Variants in CDH4 observed in about 807,000 individuals in gnomAD.
CDH4 encodes the protein cadherin-4.
A neutral mutation model predicts 86.0 loss-of-function variants in CDH4; 33 were observed. That is an observed-to-expected ratio of 0.38 (90% CI 0.29 to 0.51). The LOEUF is 0.51. CDH4 is among the 20% of genes least tolerant of loss of function. The pLI, the probability that CDH4 is intolerant of heterozygous loss-of-function variation, is 0.86. For missense variants in CDH4, 1,114 were observed against 1,307.4 expected (o/e 0.85, Z 2.28); for synonymous variants, 555 against 549.4 (o/e 1.01, Z -0.14).
At chr20:61,453,459 TC>T (rs2085391000) in intron 2 of CDH4, among the ~76,000 whole-genome samples, 1 of 152,110 alleles carries the variant, frequency 6.6e-6, no homozygotes, top group Non-Finnish European at 1.5e-5. Context: ...TCTTCCAGTG[TC>T]CTGTCTCTCA....
At chr20:61,530,080 T>G (rs990217729) in intron 2 of CDH4, among the ~76,000 whole-genome samples, 1 of 152,156 alleles carries the variant, frequency 6.6e-6, no homozygotes, top group Non-Finnish European at 1.5e-5. Flanking sequence ...TTGCCCAGAC[T>G]GGAGTGCAGT....
chr20:61,252,536 T>C lies in CDH4; in HGVS notation c.23T>C (p.Leu8Pro). The change falls in exon 1 of 16, where the codon CTC becomes CCC. Residue 8 changes from leucine (L) to proline (P), a missense_variant. By Grantham distance (98) the Leu-to-Pro change is moderately conservative. Coordinates refer to ENST00000614565, the MANE Select transcript of CDH4 (RefSeq NM_001794.5). This position sits in a 1 kb window ranked among gnomAD's most constrained non-coding sequence, Gnocchi z 4.4. MTAGAGV[L>P]LLLLSLSGAL... ...AAGATGACCGCGGGCGCCGGCGTGCTCCTTCTGCTGCTCTCGCTCTCCGGC... is the reference window on the plus strand; with the variant it reads ...AAGATGACCGCGGGCGCCGGCGTGCCCCTTCTGCTGCTCTCGCTCTCCGGC... 1 of 1,199,312 alleles carries C rather than the reference T, an allele frequency of 8.3e-7. No homozygotes were observed. Among genetic ancestry groups the C allele is most frequent in the Non-Finnish European group, 1.0e-6 (1 of 967,282 alleles). 74.3% of individuals were successfully genotyped at this position (1,199,312 alleles called of 1,614,324 possible).
chr20:61,827,959 G>C (rs968751618), intron 4 of CDH4, among the ~76,000 whole-genome samples: 1 of 152,146 alleles, frequency 6.6e-6, no homozygotes, highest in African/African-American at 2.4e-5. Flanking sequence ...CACCCTTGAG[G>C]AAGCTAAGTA....
intron 2 of CDH4, among the ~76,000 whole-genome samples, chr20:61,528,463 G>GGAGGGGAAGGGAGGGGAGGGGAGT (rs2085928354): frequency 4.1e-5 from 4 of 96,972 alleles, no homozygotes; most frequent in African/African-American, 1.6e-4. Context: ...GAGGGGGAGA[G>GGAGGGGAAGGGAGGGGAGGGGAGT]GGAGGGGGAG....
intron 2 of CDH4, among the ~76,000 whole-genome samples, chr20:61,539,452 T>C (rs914330489): frequency 1.3e-5 from 2 of 152,226 alleles, no homozygotes; most frequent in African/African-American, 2.4e-5. Context: ...ATCTTCTCCC[T>C]GTGTCCTCAC....
At chr20:61,842,578 A>C (rs1452209255) in intron 4 of CDH4, among the ~76,000 whole-genome samples, 1 of 152,260 alleles carries the variant, frequency 6.6e-6, no homozygotes, top group African/African-American at 2.4e-5. Context: ...ATTTCATACA[A>C]TTTTCACCTA....
intron 2 of CDH4, among the ~76,000 whole-genome samples, chr20:61,629,973 C>G (rs979272400): frequency 1.3e-5 from 2 of 152,222 alleles, no homozygotes; most frequent in Admixed American, 6.5e-5. Flanking sequence ...GGACAGCTGA[C>G]TGCCTTGTCC....
chr20:61,410,400 T>A (rs1166282141), intron 2 of CDH4, among the ~76,000 whole-genome samples: 2 of 150,408 alleles, frequency 1.3e-5, no homozygotes, highest in African/African-American at 4.9e-5. Context: ...CTGTCAATCA[T>A]CCATCTACAC....
chr20:61,873,420 G>A (rs1363992744), intron 6 of CDH4, among the ~76,000 whole-genome samples: 6 of 152,228 alleles, frequency 3.9e-5, no homozygotes, highest in Admixed American at 3.9e-4. Context: ...GCTGCCCCAG[G>A]CTCTGGAAGC....
At chr20:61,351,464 C>G (rs989531873) in intron 2 of CDH4, among the ~76,000 whole-genome samples, 38 of 152,130 alleles carry the variant, frequency 2.5e-4, no homozygotes, top group Non-Finnish European at 5.3e-4. Flanking sequence ...CCACTGATAC[C>G]AAGGGACAGC....
At chr20:61,933,994 G>C (rs2055146392) in intron 14 of CDH4, 62 bp from the exon 15 acceptor site, 11 of 1,580,782 alleles carry the variant, frequency 7.0e-6, no homozygotes, top group Non-Finnish European at 3.5e-6. Context: ...AAGGATGCAG[G>C]GTGGAAGGGG....
At chr20:61,538,623 C>T (rs62199202) in intron 2 of CDH4, among the ~76,000 whole-genome samples, 26,838 of 152,048 alleles carry the variant, frequency 0.18, 2,704 homozygotes, top group East Asian at 0.42. Flanking sequence ...TACCTCCTGC[C>T]CCTCGTGCGT....
intron 5 of CDH4, among the ~76,000 whole-genome samples, chr20:61,852,482 G>C (rs1982770683): frequency 6.6e-6 from 1 of 152,254 alleles, no homozygotes; most frequent in African/African-American, 2.4e-5. Context: ...GGGAGGTCCT[G>C]GGTGGGCCTG....
In CDH4 at chr20:61,681,697, A is replaced by T. The variant is rs1457149264; in HGVS notation, c.170-61866A>T. 6.6e-6 allele frequency among the ~76,000 whole-genome samples: 1 copy of T among 152,210 alleles called. No homozygotes were observed. Among genetic ancestry groups the T allele is most frequent in the Non-Finnish European group, 1.5e-5 (1 of 68,030 alleles). On this transcript the variant is annotated intron_variant, in intron 2 of 15. Transcript: ENST00000614565. The surrounding 1 kb of genome is among the most constrained non-coding windows in gnomAD (Gnocchi z 4.5). ...AGAGCCCCTAAAGAGCTTTCTGGGC[A>T]TCGGGAAAGTCCGGGCTCAGTGCAT...
intron 2 of CDH4, among the ~76,000 whole-genome samples, chr20:61,344,568 T>G (rs1426953866): frequency 6.6e-6 from 1 of 152,224 alleles, no homozygotes; most frequent in Non-Finnish European, 1.5e-5. Context: ...TTTGCCATTG[T>G]TCTCAGTGAT....
At chr20:61,646,046 T>G (rs2087058003) in intron 2 of CDH4, among the ~76,000 whole-genome samples, 1 of 152,170 alleles carries the variant, frequency 6.6e-6, no homozygotes, top group Admixed American at 6.5e-5. Context: ...CAGCATGCAG[T>G]GAGCTCAGGA....
At position 61,940,219 on chromosome 20, in the gene CDH4, T is replaced by C. The variant is rs4925210; in HGVS notation, c.*3276T>C. ...GGACCACCTCTCTGTACAATTGGAATGCGTTTTACTTTTCTTTTCTCTCCT... is the reference window on the plus strand; with the variant it reads ...GGACCACCTCTCTGTACAATTGGAACGCGTTTTACTTTTCTTTTCTCTCCT... On this transcript the variant is annotated 3_prime_UTR_variant, in exon 16 of 16. Coordinates refer to ENST00000614565, the MANE Select transcript of CDH4 (RefSeq NM_001794.5). 119,419 of 152,054 alleles carry C rather than the reference T, an allele frequency of 0.79. 47,143 individuals are homozygous for C. Among genetic ancestry groups the C allele is most frequent in the African/African-American group, 0.86 (35,692 of 41,484 alleles). The allele number at this position is 152,054 out of a possible 1,614,324, so 9.4% of individuals were successfully genotyped here. A position where few individuals can be genotyped will look rare whatever the true frequency, so the allele number is the denominator to read the frequency against.
intron 2 of CDH4, among the ~76,000 whole-genome samples, chr20:61,565,258 T>TGGTA (rs2086274207): frequency 4.4e-5 from 3 of 68,628 alleles, no homozygotes; most frequent in Non-Finnish European, 3.1e-5. Context: ...CTCTTGGTGA[T>TGGTA]GGTGGTGGTG....
At chr20:61,701,510 C>T (rs1482539230) in intron 2 of CDH4, among the ~76,000 whole-genome samples, 3 of 152,188 alleles carry the variant, frequency 2.0e-5, no homozygotes, top group South Asian at 2.1e-4. Flanking sequence ...GGCCTCCAAG[C>T]GATCAGGACA....
Sources: gnomAD v4.1 joint callset for allele counts (sites outside exome capture counted in the v4.1 genomes callset) on GRCh38, gnomAD v4.1.1 for gene constraint, Gnocchi (gnomAD v3.1) non-coding constraint, MANE v1.5 for transcripts, NCBI Gene and HGNC (gene_info 2026-07-23, HGNC 2026-07-21) for gene names.